The following UBXN2B variants were observed in gnomAD, a reference collection of about 807,000 sequenced individuals.
UBXN2B encodes the protein UBX domain protein 2B, also known as UBX domain-containing protein 2B.
A neutral mutation model predicts 37.5 loss-of-function variants in UBXN2B; 19 were observed. That is an observed-to-expected ratio of 0.51 (90% CI 0.35 to 0.74). UBXN2B has a LOEUF of 0.74. Ranked by LOEUF, UBXN2B falls within the 30% of genes least tolerant of loss-of-function variation. The pLI is 0.01. For missense variants in UBXN2B, 370 were observed against 393.2 expected (o/e 0.94, Z 0.50); for synonymous variants, 145 against 143.8 (o/e 1.01, Z -0.06).
intron 1 of UBXN2B, among the ~76,000 whole-genome samples, chr8:58,415,746 G>A (rs930338190): frequency 1.3e-5 from 2 of 151,972 alleles, no homozygotes; most frequent in Non-Finnish European, 2.9e-5. Context: ...CCTAAGTTAC[G>A]ATTTGAATTC....
intron 2 of UBXN2B, among the ~76,000 whole-genome samples, chr8:58,424,233 A>G (rs1329811712): frequency 6.6e-6 from 1 of 151,840 alleles, no homozygotes; most frequent in South Asian, 2.1e-4. Flanking sequence ...ATAAAAAGAA[A>G]AAAAAAAAAA....
At chr8:58,424,667 C>T (rs1337225663) in intron 2 of UBXN2B, 7 of 1,245,532 alleles carry the variant, frequency 5.6e-6, no homozygotes, top group Admixed American at 1.7e-5. Flanking sequence ...TTCTGCACAG[C>T]GTGGAGTTGG....
rs531270883 is a variant in UBXN2B, at chr8:58,450,777, T to C, written c.*3226T>C. On this transcript the variant is annotated 3_prime_UTR_variant, in exon 8 of 8. Coordinates refer to ENST00000399598, the MANE Select transcript of UBXN2B (RefSeq NM_001077619.2). ...ATGGTACTAGATTTGGAATTCACCTTTCTCCAGGGTCACTGTTTATTTCAA... is the reference window on the plus strand; with the variant it reads ...ATGGTACTAGATTTGGAATTCACCTCTCTCCAGGGTCACTGTTTATTTCAA... The C allele has an allele frequency of 2.3e-4, 35 of 152,320 alleles. No individual in the cohort carries two copies. The highest frequency in any genetic ancestry group is 2.6e-4 in the Admixed American group (4 of 15,308). The allele number at this position is 152,320 out of a possible 1,614,324, so 9.4% of individuals were successfully genotyped here. A position where few individuals can be genotyped will look rare whatever the true frequency, so the allele number is the denominator to read the frequency against.
At chr8:58,429,973 A>C (rs1808201650) in intron 2 of UBXN2B, among the ~76,000 whole-genome samples, 1 of 152,216 alleles carries the variant, frequency 6.6e-6, no homozygotes, top group Admixed American at 6.5e-5. Context: ...ATTACTGTCT[A>C]AATTATTTAC....
intron 1 of UBXN2B, chr8:58,413,492 G>T (rs901894539): frequency 6.6e-6 from 1 of 152,036 alleles, no homozygotes; most frequent in Non-Finnish European, 1.5e-5. Flanking sequence ...TAAGAGTTAC[G>T]CAGTTCGTGC....
At chr8:58,429,430 C>G (rs1216860117) in intron 2 of UBXN2B, among the ~76,000 whole-genome samples, 2 of 152,198 alleles carry the variant, frequency 1.3e-5, no homozygotes, top group African/African-American at 4.8e-5. Flanking sequence ...CCATAGGCTC[C>G]TGCTCTAGAT....
At chr8:58,438,070 T>TGC (rs1420496568) in intron 5 of UBXN2B, among the ~76,000 whole-genome samples, 1 of 151,524 alleles carries the variant, frequency 6.6e-6, no homozygotes, top group African/African-American at 2.4e-5. Flanking sequence ...GCATCCCAGC[T>TGC]GCTGCATCTC....
chr8:58,445,622 T>C (rs906768939), intron 6 of UBXN2B, among the ~76,000 whole-genome samples: 19 of 152,168 alleles, frequency 1.2e-4, no homozygotes, highest in Admixed American at 3.3e-4. Context: ...TTAATGATTC[T>C]TTGACCCTAA....
intron 2 of UBXN2B, among the ~76,000 whole-genome samples, chr8:58,418,937 C>A (rs1807853461): frequency 1.3e-5 from 2 of 152,118 alleles, no homozygotes; most frequent in South Asian, 4.1e-4. Context: ...TATTTGAGTT[C>A]TTATCATAAG....
chr8:58,442,487 A>G (rs1483122684), intron 6 of UBXN2B, among the ~76,000 whole-genome samples: 4 of 152,258 alleles, frequency 2.6e-5, no homozygotes, highest in African/African-American at 9.6e-5. Context: ...AGAAATGAAA[A>G]TAATCTATTG....
At chr8:58,439,814 T>G in intron 6 of UBXN2B, 44 bp downstream of exon 6, 1 of 1,555,992 alleles carries the variant, frequency 6.4e-7, no homozygotes, top group Non-Finnish European at 8.6e-7. Flanking sequence ...TGAACATGAA[T>G]TTTTCTTTGA....
chr8:58,444,154 A>G (rs555416430), intron 6 of UBXN2B, among the ~76,000 whole-genome samples: 1 of 152,250 alleles, frequency 6.6e-6, no homozygotes, highest in Non-Finnish European at 1.5e-5. Flanking sequence ...CAAAAATAAT[A>G]GGGAGGCAAC....
intron 6 of UBXN2B, 54 bp from the exon 7 acceptor site, chr8:58,445,853 C>T: frequency 6.9e-7 from 1 of 1,457,620 alleles, no homozygotes; most frequent in Non-Finnish European, 9.1e-7. Flanking sequence ...TCGCTGTCTT[C>T]AGTTTGTCAT....
intron 6 of UBXN2B, among the ~76,000 whole-genome samples, chr8:58,441,941 C>T (rs1001704493): frequency 5.9e-5 from 9 of 152,144 alleles, no homozygotes; most frequent in Admixed American, 3.9e-4. Context: ...CCAAGCTTTC[C>T]TTAGCCAGGA....
chr8:58,430,125 G>A (rs1027988604), intron 2 of UBXN2B, among the ~76,000 whole-genome samples: 2 of 152,142 alleles, frequency 1.3e-5, no homozygotes, highest in Non-Finnish European at 2.9e-5. Flanking sequence ...CACTAACTAG[G>A]TCTCTACTGA....
chr8:58,418,992 A>G lies in UBXN2B; in HGVS notation c.188+2039A>G, dbSNP rs562054632. ...CCTTGCTATTCAAATATAATCATTA[A>G]GATATTTCAGTGAAGGGTTTTCTTT... On this transcript the variant is annotated intron_variant, in intron 2 of 7. Coordinates refer to ENST00000399598, the MANE Select transcript of UBXN2B (RefSeq NM_001077619.2). 2.6e-5 allele frequency among the ~76,000 whole-genome samples: 4 copies of G among 152,336 alleles called. No individual in the cohort carries two copies. The East Asian group carries it at 7.7e-4, about 29-fold the overall frequency.
intron 4 of UBXN2B, 28 bp from the exon 5 acceptor site, chr8:58,434,367 A>G (rs201811200): frequency 4.5e-6 from 2 of 442,898 alleles, no homozygotes; most frequent in Admixed American, 5.1e-5. Context: ...ATATATATAT[A>G]TATTTTTTTT....
At position 58,434,484 on chromosome 8, in the gene UBXN2B, T is replaced by C. The variant is rs1808364028; in HGVS notation, c.513T>C (p.Phe171=). The change falls in exon 5 of 8, where the codon TTT becomes TTC. Residue 171 remains phenylalanine (F), a synonymous_variant. Transcript: ENST00000399598. The stretch of plus-strand genomic sequence containing the variant: ...ACAATGAACCAACAAATGCTCAATT[T>C]CTGGAGTCTGTTAAGAGAGGGTAAG... ...RPYNEPTNAQ[F]LESVKRGEIP... 1 of 1,559,584 alleles carries C rather than the reference T, an allele frequency of 6.4e-7. No homozygotes were observed. Among genetic ancestry groups the C allele is most frequent in the East Asian group, 2.3e-5 (1 of 42,616 alleles).
At chr8:58,414,023 A>C (rs1397455110) in intron 1 of UBXN2B, among the ~76,000 whole-genome samples, 38 of 152,158 alleles carry the variant, frequency 2.5e-4, no homozygotes, top group Admixed American at 2.5e-3. Context: ...CATAGGTTGG[A>C]CGGGGAGGGA....
Sources: allele counts gnomAD v4.1 joint callset (sites outside exome capture counted in the v4.1 genomes callset), GRCh38; gene constraint gnomAD v4.1.1; transcripts MANE v1.5; gene names NCBI Gene and HGNC (gene_info 2026-07-23, HGNC 2026-07-21).